Variants in EMC3 observed in about 807,000 individuals in gnomAD.
EMC3 encodes ER membrane protein complex subunit 3.
Under a neutral mutation model 36.6 loss-of-function variants are expected in EMC3, and 13 were observed. The observed-to-expected ratio is 0.35, with a 90% CI of 0.23 to 0.56. The LOEUF (loss-of-function observed/expected upper bound fraction) is 0.56, where lower values mean the gene tolerates loss of function less well. Ranked by LOEUF, EMC3 falls within the 20% of genes least tolerant of loss-of-function variation. EMC3 has a pLI of 0.84. For missense variants in EMC3, 220 were observed against 324.5 expected (o/e 0.68, Z 2.47); for synonymous variants, 120 against 111.9 (o/e 1.07, Z -0.46).
At chr3:9,993,803 G>A (rs1231524877) in intron 1 of EMC3, among the ~76,000 whole-genome samples, 1 of 136,022 alleles carries the variant, frequency 7.4e-6, no homozygotes, top group African/African-American at 2.8e-5. Flanking sequence ...AGTTTAGTTA[G>A]CATTGAACCT....
intron 1 of EMC3, among the ~76,000 whole-genome samples, chr3:9,982,133 A>G (rs2085918266): frequency 6.6e-6 from 1 of 151,516 alleles, no homozygotes; most frequent in African/African-American, 2.4e-5. Context: ...TATTTTTAGT[A>G]GAGATGGGGT....
At chr3:10,001,403 TACAAAAAAA>T (rs1559359239) in intron 1 of EMC3, among the ~76,000 whole-genome samples, 1 of 32,578 alleles carries the variant, frequency 3.1e-5, no homozygotes. Flanking sequence ...CTGCTAAAAA[TACAAAAAAA>T]AAAAAAAAAA....
intron 7 of EMC3, 78 bp downstream of exon 7, chr3:9,969,641 A>C: frequency 6.2e-7 from 1 of 1,607,230 alleles, no homozygotes; most frequent in Non-Finnish European, 8.5e-7. Flanking sequence ...CACTCCCTTC[A>C]AGGAAGCTAT....
chr3:9,969,680 C>T, intron 7 of EMC3, 39 bp downstream of exon 7: 1 of 1,614,052 alleles, frequency 6.2e-7, no homozygotes, highest in Non-Finnish European at 8.5e-7. Context: ...TAACACCTTT[C>T]AGAGCATTGC....
chr3:9,992,770 A>T (rs746265229), intron 1 of EMC3: 89 of 755,606 alleles, frequency 1.2e-4, no homozygotes, highest in Non-Finnish European at 1.9e-4. Context: ...GTGTGGAACA[A>T]ATGAGCATCA....
Position 9,973,698 on chromosome 3 carries a change from A to G in EMC3, c.424T>C (p.Phe142Leu). Residue 142 changes from phenylalanine (F) to leucine (L), a missense_variant, in exon 5 of 8, where the codon TTT (phenylalanine) becomes CTT (leucine). This residue lies in a region of EMC3 where 127 missense variants were observed against 174.6 expected (regional missense o/e 0.73). Coordinates refer to ENST00000245046, the MANE Select transcript of EMC3 (RefSeq NM_001394674.1). ...FSGFVTTKVP[F>L]PLTLRFKPML... ...GGCTTAAAACGGAGGGTCAGTGGAA[A>G]TGGGACCTTGGCTGCAGAGAAGAAA... is the stretch of plus-strand genomic sequence containing the variant. The G allele has an allele frequency of 6.2e-7, 1 of 1,614,162 alleles. No individual in the cohort carries two copies. The highest frequency in any genetic ancestry group is 8.5e-7 in the Non-Finnish European group (1 of 1,179,984).
chr3:9,970,119 C>A (rs976591973), intron 6 of EMC3, among the ~76,000 whole-genome samples: 2 of 152,216 alleles, frequency 1.3e-5, no homozygotes, highest in African/African-American at 4.8e-5. Context: ...CTCATCTGTT[C>A]CTAACAACCC....
intron 2 of EMC3, 54 bp from the exon 3 acceptor site, chr3:9,977,104 T>C: frequency 1.5e-6 from 2 of 1,366,206 alleles, no homozygotes; most frequent in Non-Finnish European, 2.1e-6. Context: ...CACAGCAAAC[T>C]GTTAAATTAC....
chr3:9,981,334 T>C (rs185761459), intron 1 of EMC3, among the ~76,000 whole-genome samples: 2 of 152,276 alleles, frequency 1.3e-5, no homozygotes, highest in Non-Finnish European at 2.9e-5. Flanking sequence ...TCTCCTACAA[T>C]TACACTGCTG....
At chr3:9,974,033 T>C (rs1490960376) in intron 4 of EMC3, among the ~76,000 whole-genome samples, 4 of 152,284 alleles carry the variant, frequency 2.6e-5, no homozygotes, top group Admixed American at 6.5e-5. Context: ...AGAAACCAAA[T>C]TGATTAAAAG....
intron 1 of EMC3, chr3:9,981,830 G>A (rs2085914674): frequency 2.6e-6 from 1 of 391,780 alleles, no homozygotes; most frequent in Non-Finnish European, 5.0e-6. Flanking sequence ...TTTCCAAAAT[G>A]TCAGTAGTAT....
intron 1 of EMC3, among the ~76,000 whole-genome samples, chr3:9,982,341 G>A (rs549197842): frequency 3.3e-5 from 5 of 151,758 alleles, no homozygotes; most frequent in Admixed American, 2.6e-4. Context: ...TGCAACATCT[G>A]CCTCCCAGTT....
At chr3:9,966,594 T>G (rs1200156425) in intron 7 of EMC3, among the ~76,000 whole-genome samples, 1 of 151,592 alleles carries the variant, frequency 6.6e-6, no homozygotes, top group Non-Finnish European at 1.5e-5. Flanking sequence ...TGGAGTGCAG[T>G]GGCGCCATCT....
intron 1 of EMC3, among the ~76,000 whole-genome samples, chr3:10,000,262 A>G (rs1224378325): frequency 1.3e-5 from 2 of 151,840 alleles, no homozygotes; most frequent in East Asian, 3.9e-4. Context: ...CTGGTCTCGA[A>G]CTCCTGAACT....
chr3:9,966,470 C>T (rs2085737591), intron 7 of EMC3, among the ~76,000 whole-genome samples: 1 of 152,150 alleles, frequency 6.6e-6, no homozygotes, highest in Non-Finnish European at 1.5e-5. Context: ...ATCCACCCAC[C>T]TCAGCCTCCC....
chr3:9,974,275 A>G (rs2085821001), intron 4 of EMC3, 109 bp downstream of exon 4: 2 of 739,600 alleles, frequency 2.7e-6, no homozygotes, highest in Non-Finnish European at 4.6e-6. Context: ...TTTTTTGTTC[A>G]AGGACTATTA....
At chr3:9,986,212 G>A (rs1185288919) in intron 1 of EMC3, among the ~76,000 whole-genome samples, 2 of 152,156 alleles carry the variant, frequency 1.3e-5, no homozygotes, top group Non-Finnish European at 2.9e-5. Flanking sequence ...CCCACCGAGG[G>A]TCGGCGACTA....
At chr3:9,988,519 G>A, upstream of EMC3, 1 of 986,030 alleles carries the variant, frequency 1.0e-6, no homozygotes, top group Non-Finnish European at 1.6e-6. Flanking sequence ...GGAAATGAGT[G>A]GCAATTAGTG....
intron 1 of EMC3, among the ~76,000 whole-genome samples, chr3:9,992,195 A>G (rs1339370326): frequency 6.6e-6 from 1 of 152,028 alleles, no homozygotes; most frequent in Non-Finnish European, 1.5e-5. Flanking sequence ...ATCTCGGCTC[A>G]TTGCAACCTG....
Sources: allele counts gnomAD v4.1 joint callset (sites outside exome capture counted in the v4.1 genomes callset), GRCh38; gene constraint gnomAD v4.1.1; regional missense constraint gnomAD v4.1.1; transcripts MANE v1.5; gene names NCBI Gene and HGNC (gene_info 2026-07-23, HGNC 2026-07-21).